The following TULP4 variants were observed in gnomAD, a reference collection of about 807,000 sequenced individuals.
TULP4 encodes TUB like protein 4, also known as tubby-related protein 4.
A neutral mutation model predicts 129.0 loss-of-function variants in TULP4; 16 were observed. The observed-to-expected ratio is 0.12, with a 90% confidence interval of 0.08 to 0.19. The LOEUF (loss-of-function observed/expected upper bound fraction) is 0.19, where lower values mean the gene tolerates loss of function less well. Among genes scored for constraint, TULP4 ranks in the 10% least tolerant of loss-of-function variants. The pLI is 1.00. For synonymous variants in TULP4, 998 were observed against 854.0 expected (o/e 1.17, Z -2.94); for missense variants, 1,842 against 2,059.1 (o/e 0.89, Z 2.04).
chr6:158,277,797 G>C (rs1347331963), upstream of TULP4, among the ~76,000 whole-genome samples: 3 of 152,194 alleles, frequency 2.0e-5, no homozygotes, highest in Non-Finnish European at 4.4e-5. Context: ...CAGTGATGCA[G>C]ATATTCTGAA....
At chr6:158,390,359 G>A (rs918909808) in intron 1 of TULP4, among the ~76,000 whole-genome samples, 12 of 150,428 alleles carry the variant, frequency 8.0e-5, no homozygotes, top group Admixed American at 7.3e-4. Context: ...TACTTTCTTT[G>A]CAGATCTTAA....
chr6:158,473,582 G>T (rs533319846), intron 6 of TULP4, among the ~76,000 whole-genome samples: 1 of 152,178 alleles, frequency 6.6e-6, no homozygotes, highest in Non-Finnish European at 1.5e-5. Flanking sequence ...GCAATGGCGC[G>T]ATCTCAGCTC....
intron 1 of TULP4, among the ~76,000 whole-genome samples, chr6:158,302,626 A>G (rs1583720559): frequency 6.6e-6 from 1 of 152,272 alleles, no homozygotes; most frequent in East Asian, 1.9e-4. Context: ...TCAGATTTTC[A>G]TTGTAGGGAG....
chr6:158,278,107 G>A (rs1214783648), upstream of TULP4, among the ~76,000 whole-genome samples: 2 of 152,202 alleles, frequency 1.3e-5, no homozygotes, highest in African/African-American at 2.4e-5. Context: ...TCATAGGCAC[G>A]GAATAACTGG....
At chr6:158,263,256 C>T (rs1339246796) in intron 1 of TULP4, among the ~76,000 whole-genome samples, 2 of 152,234 alleles carry the variant, frequency 1.3e-5, no homozygotes, top group Admixed American at 6.5e-5. Flanking sequence ...AGTAACTTGA[C>T]TGAAGCACTA....
intron 1 of TULP4, among the ~76,000 whole-genome samples, chr6:158,285,135 C>G (rs1003737906): frequency 2.6e-5 from 4 of 152,134 alleles, no homozygotes; most frequent in African/African-American, 4.8e-5. Flanking sequence ...ATGTGAATTT[C>G]CCCTTCCTAA....
At position 158,503,697 on chromosome 6, in the gene TULP4, C is replaced by T. The variant is rs761438567; in HGVS notation, c.4034C>T (p.Ala1345Val). ...KKNRKRLDSR[A>V]EEGSVQAITE... Reference sequence around the variant, plus strand: ...AACCGGAAGCGCCTGGACAGCCGAGCAGAAGAAGGCAGCGTTCAGGCCATC... The same window carrying T: ...AACCGGAAGCGCCTGGACAGCCGAGTAGAAGAAGGCAGCGTTCAGGCCATC... Residue 1345 changes from alanine (A) to valine (V), a missense_variant, in exon 13 of 14, where the codon GCA (alanine) becomes GTA (valine). Around this residue, in one of 5 missense-constraint regions of TULP4, gnomAD observed 1,089 missense variants for 987.1 expected, o/e 1.10. Coordinates refer to ENST00000367097, the MANE Select transcript of TULP4 (RefSeq NM_020245.5). This position sits in a 1 kb window ranked among gnomAD's most constrained non-coding sequence, Gnocchi z 4.3. 8 of 1,613,770 alleles carry T rather than the reference C, an allele frequency of 5.0e-6. No homozygotes were observed. The African/African-American group carries it at 6.7e-5, about 13-fold the overall frequency.
intron 4 of TULP4, among the ~76,000 whole-genome samples, chr6:158,450,110 A>G (rs989939357): frequency 1.1e-4 from 16 of 152,332 alleles, no homozygotes; most frequent in African/African-American, 3.6e-4. Context: ...ATGGAACACT[A>G]GAATTTAGCC....
chr6:158,363,782 G>C (rs1000339458), intron 1 of TULP4, among the ~76,000 whole-genome samples: 5 of 152,198 alleles, frequency 3.3e-5, no homozygotes, highest in South Asian at 2.1e-4. Context: ...ACCGCGCAAG[G>C]CCGCGTGTTT....
intron 1 of TULP4, among the ~76,000 whole-genome samples, chr6:158,302,097 G>T (rs972991792): frequency 8.5e-5 from 13 of 152,174 alleles, no homozygotes; most frequent in Non-Finnish European, 1.3e-4. Context: ...TTTATCAGTG[G>T]GGGCAGCGAT....
intron 1 of TULP4, among the ~76,000 whole-genome samples, chr6:158,294,878 T>C (rs1241663360): frequency 6.6e-6 from 1 of 152,194 alleles, no homozygotes; most frequent in Non-Finnish European, 1.5e-5. Flanking sequence ...ACTACAGTCA[T>C]ATGCCAGCAT....
At chr6:158,417,399 A>C (rs1353107941) in intron 2 of TULP4, among the ~76,000 whole-genome samples, 1 of 152,236 alleles carries the variant, frequency 6.6e-6, no homozygotes, top group Non-Finnish European at 1.5e-5. Flanking sequence ...AATCTCATAA[A>C]TGCCTGCCTA....
chr6:158,381,935 G>A (rs1335205395), intron 1 of TULP4, among the ~76,000 whole-genome samples: 1 of 152,042 alleles, frequency 6.6e-6, no homozygotes, highest in Admixed American at 6.6e-5. Context: ...TGTTGTTGTT[G>A]TTTTTTCCAG....
chr6:158,266,949 C>A (rs1458862483), intron 1 of TULP4, among the ~76,000 whole-genome samples: 1 of 152,174 alleles, frequency 6.6e-6, no homozygotes, highest in Non-Finnish European at 1.5e-5. Context: ...AACTCTGTGC[C>A]CATCAAACAC....
At position 158,502,199 on chromosome 6, in the gene TULP4, A is replaced by G. The variant is rs901713887; in HGVS notation, c.2536A>G (p.Thr846Ala). 2.3e-6 allele frequency: 1 copy of G among 434,084 alleles called. No individual in the cohort carries two copies. The highest frequency in any genetic ancestry group is 4.5e-5 in the South Asian group (1 of 22,034). 26.9% of individuals were successfully genotyped at this position (434,084 alleles called of 1,614,324 possible). Residue 846 changes from threonine (T) to alanine (A), a missense_variant, in exon 13 of 14, where the codon ACC (threonine) becomes GCC (alanine). Thr to Ala is a moderately conservative substitution (Grantham distance 58). This residue lies in a region of TULP4 where 1,089 missense variants were observed against 987.1 expected (regional missense o/e 1.10). Coordinates refer to ENST00000367097, the MANE Select transcript of TULP4 (RefSeq NM_020245.5). Reference sequence around the variant, plus strand: ...CCCAGGAACCATCCCCGCTGCCCCCACCACAGCAGCACCCCCGCCCCCTCT... The same window carrying G: ...CCCAGGAACCATCCCCGCTGCCCCCGCCACAGCAGCACCCCCGCCCCCTCT... ...PYPGTIPAAPTTAAPPPPLPP... is the reference protein window; with the variant it reads ...PYPGTIPAAPATAAPPPPLPP...
chr6:158,382,947 G>A (rs73021782), intron 1 of TULP4, among the ~76,000 whole-genome samples: 8 of 152,292 alleles, frequency 5.3e-5, no homozygotes, highest in Non-Finnish European at 1.0e-4. Flanking sequence ...TTGGAAAGTC[G>A]AAAAGGAGAT....
chr6:158,240,720 G>T (rs1435419445), intron 1 of TULP4, among the ~76,000 whole-genome samples: 1 of 121,452 alleles, frequency 8.2e-6, no homozygotes, highest in Non-Finnish European at 1.9e-5. Context: ...CCTCCCTCCC[G>T]GACGGGGCGG....
At chr6:158,333,156 G>A (rs1269221524) in intron 1 of TULP4, among the ~76,000 whole-genome samples, 2 of 152,172 alleles carry the variant, frequency 1.3e-5, no homozygotes, top group Non-Finnish European at 2.9e-5. Context: ...CCAAAAGGAT[G>A]TCATGGACTG....
intron 1 of TULP4, among the ~76,000 whole-genome samples, chr6:158,259,469 T>C (rs1014403400): frequency 6.6e-6 from 1 of 152,258 alleles, no homozygotes; most frequent in African/African-American, 2.4e-5. Flanking sequence ...TGGGATTGAA[T>C]ATTCTGTGTG....
Sources: allele counts gnomAD v4.1 joint callset (sites outside exome capture counted in the v4.1 genomes callset), GRCh38; gene constraint gnomAD v4.1.1; regional missense constraint gnomAD v4.1.1; non-coding constraint Gnocchi (gnomAD v3.1); transcripts MANE v1.5; gene names NCBI Gene and HGNC (gene_info 2026-07-23, HGNC 2026-07-21).